The following CACNA1A variants were observed in gnomAD, a reference collection of about 807,000 sequenced individuals.
The protein encoded by CACNA1A is calcium voltage-gated channel subunit alpha1 A, also known as voltage-dependent P/Q-type calcium channel subunit alpha-1A.
A neutral mutation model predicts 262.4 loss-of-function variants in CACNA1A; 57 were observed. That is an observed-to-expected ratio of 0.22 (90% CI 0.18 to 0.27). The LOEUF is 0.27. Ranked by LOEUF, CACNA1A falls within the 10% of genes least tolerant of loss-of-function variation. CACNA1A has a pLI of 1.00. For synonymous variants in CACNA1A, 1,431 were observed against 1,419.3 expected (o/e 1.01, Z -0.18); for missense variants, 2,526 against 3,562.8 (o/e 0.71, Z 7.41).
chr19:13,367,727 CAAAAAGAAAGA>C (rs2059242476), intron 4 of CACNA1A, among the ~76,000 whole-genome samples: 1 of 151,830 alleles, frequency 6.6e-6, no homozygotes, highest in Non-Finnish European at 1.5e-5. Context: ...GATTCCATCT[CAAAAAGAAAGA>C]AGGCAGGGAA....
chr19:13,275,656 TCTC>T (rs2057129180), intron 24 of CACNA1A, 191 bp downstream of exon 24: 11 of 604,168 alleles, frequency 1.8e-5, no homozygotes, highest in East Asian at 5.7e-5. Context: ...GGGGGTCCCT[TCTC>T]CTTCTTCCTC....
At chr19:13,285,524 T>C (rs1199991134) in intron 20 of CACNA1A, among the ~76,000 whole-genome samples, 1 of 151,964 alleles carries the variant, frequency 6.6e-6, no homozygotes, top group Non-Finnish European at 1.5e-5. Flanking sequence ...AACCACTCTA[T>C]AGCCTTGAGT....
At position 13,210,805 on chromosome 19, in the gene CACNA1A, G is replaced by A. The variant is rs991611624; in HGVS notation, c.6304-153C>T. 1.7e-5 allele frequency: 14 copies of A among 820,016 alleles called. No individual in the cohort carries two copies. The Admixed American group carries it at 3.1e-4, about 18-fold the overall frequency. The allele number at this position is 820,016 out of a possible 1,614,324, so 50.8% of individuals were successfully genotyped here. ...CAAGAGAAATCGGAGGGAGAAGGCA[G>A]GGAGGAAAAGAAAAGTTAAAGTCCT... On this transcript the variant is annotated intron_variant, in intron 43 of 46. Transcript: ENST00000360228.
At chr19:13,384,846 AC>A in intron 3 of CACNA1A, among the ~76,000 whole-genome samples, 1 of 152,184 alleles carries the variant, frequency 6.6e-6, no homozygotes, top group Non-Finnish European at 1.5e-5. Flanking sequence ...CATCAGGGTC[AC>A]GTCAGTCTTG....
rs747305291 is a variant in CACNA1A, at chr19:13,234,913, C to G, written c.5249+8G>C. 6 of 1,595,584 alleles carry G rather than the reference C, an allele frequency of 3.8e-6. No individual in the cohort carries two copies. Among genetic ancestry groups the G allele is most frequent in the East Asian group, 4.5e-5 (2 of 44,786 alleles). On this transcript the variant is annotated splice_region_variant and intron_variant, in intron 34 of 46. Transcript: ENST00000360228. ...AAACAGAATTATCAGAGCAGGTCCC[C>G]TTCTCACCGGAAGAGAAGCATGAGG...
chr19:13,424,486 G>A (rs2060367895), intron 3 of CACNA1A, among the ~76,000 whole-genome samples: 1 of 152,030 alleles, frequency 6.6e-6, no homozygotes. Flanking sequence ...ATGTTTTAGA[G>A]GCAGGGTCTT....
intron 3 of CACNA1A, among the ~76,000 whole-genome samples, chr19:13,418,857 T>A (rs987167038): frequency 6.6e-6 from 1 of 152,186 alleles, no homozygotes; most frequent in Non-Finnish European, 1.5e-5. Context: ...TGGTTATAAC[T>A]GTATTTTTAC....
At chr19:13,415,501 G>C (rs1442199947) in intron 3 of CACNA1A, among the ~76,000 whole-genome samples, 5 of 151,894 alleles carry the variant, frequency 3.3e-5, no homozygotes, top group South Asian at 2.1e-4. Flanking sequence ...AGCACTTTGG[G>C]AGGCCGAGGC....
intron 3 of CACNA1A, among the ~76,000 whole-genome samples, chr19:13,414,869 G>A (rs1046481309): frequency 2.0e-5 from 3 of 152,104 alleles, no homozygotes; most frequent in Non-Finnish European, 2.9e-5. Context: ...AGGCTGAGGG[G>A]GGAGGATCGC....
chr19:13,349,077 T>C (rs1044434851), intron 6 of CACNA1A, among the ~76,000 whole-genome samples: 57 of 146,354 alleles, frequency 3.9e-4, no homozygotes, highest in Admixed American at 2.8e-3. Flanking sequence ...GAGAGACGGA[T>C]GAAGGGTGAT....
At chr19:13,413,387 T>G (rs867580780) in intron 3 of CACNA1A, among the ~76,000 whole-genome samples, 14 of 151,094 alleles carry the variant, frequency 9.3e-5, no homozygotes, top group African/African-American at 3.4e-4. Context: ...ATTACAGGTG[T>G]GAGCCACCGT....
At chr19:13,332,751 G>A (rs2145125334) in intron 9 of CACNA1A, 118 bp downstream of exon 9, 1 of 559,610 alleles carries the variant, frequency 1.8e-6, no homozygotes. Flanking sequence ...TCCTCCAAGA[G>A]GAACGTCTAC....
intron 3 of CACNA1A, among the ~76,000 whole-genome samples, chr19:13,430,015 T>A (rs1199146460): frequency 0.023 from 138 of 5,928 alleles, 1 homozygote; most frequent in Non-Finnish European, 0.036. Flanking sequence ...GAAGGGGGAG[T>A]CGGGGAGAGG....
chr19:13,496,278 G>GT (rs1981526402), intron 1 of CACNA1A, among the ~76,000 whole-genome samples: 2 of 152,330 alleles, frequency 1.3e-5, no homozygotes, highest in East Asian at 3.9e-4. Context: ...TCCAATTTGT[G>GT]TAAGACCCAA....
Position 13,255,001 on chromosome 19 carries a change from G to C in CACNA1A, c.4755+94C>G, listed in dbSNP as rs2056506386. 5 of 1,329,934 alleles carry C rather than the reference G, an allele frequency of 3.8e-6. No individual in the cohort carries two copies. In the East Asian group the frequency reaches 9.4e-5, roughly 25 times the overall value. 82.4% of individuals were successfully genotyped at this position (1,329,934 alleles called of 1,614,324 possible). On this transcript the variant is annotated intron_variant, in intron 29 of 46. Transcript: ENST00000360228. Reference sequence around the variant, plus strand: ...TCAGAGGTGATCCAGAGTGTGGTCTGTCTGGGAAACTGCAGATGGTTTCAT... The same window carrying C: ...TCAGAGGTGATCCAGAGTGTGGTCTCTCTGGGAAACTGCAGATGGTTTCAT...
chr19:13,493,828 A>C (rs1981184300), intron 1 of CACNA1A, among the ~76,000 whole-genome samples: 1 of 152,234 alleles, frequency 6.6e-6, no homozygotes, highest in South Asian at 2.1e-4. Context: ...TATAAAGTGG[A>C]ACATTATCAG....
chr19:13,325,089 C>T (rs916267087), intron 10 of CACNA1A, among the ~76,000 whole-genome samples: 10 of 90,374 alleles, frequency 1.1e-4, no homozygotes, highest in Non-Finnish European at 2.0e-4. Context: ...CTTCCCCTTC[C>T]CCTTCCTCCT....
chr19:13,247,607 G>C (rs1245384037), intron 30 of CACNA1A, among the ~76,000 whole-genome samples: 1 of 151,260 alleles, frequency 6.6e-6, no homozygotes, highest in East Asian at 1.9e-4. Flanking sequence ...GGCTGAGGCA[G>C]GAGAATGGCG....
chr19:13,238,622 G>A (rs2055961523), intron 31 of CACNA1A, among the ~76,000 whole-genome samples: 2 of 146,772 alleles, frequency 1.4e-5, no homozygotes, highest in Admixed American at 6.8e-5. Context: ...GTCTCACTCT[G>A]TTGCCCAGGC....
Sources: gnomAD v4.1 joint callset for allele counts (sites outside exome capture counted in the v4.1 genomes callset) on GRCh38, gnomAD v4.1.1 for gene constraint, MANE v1.5 for transcripts, NCBI Gene and HGNC (gene_info 2026-07-23, HGNC 2026-07-21) for gene names.